CIRSR: variants seen among roughly 807,000 people sequenced by gnomAD.
The protein encoded by CIRSR is CBF1 (RBPJ) interacting corepressor 1.
At chr2:174,372,366 A>G in the CIRSR span, among the ~76,000 whole-genome samples, 2 of 152,180 alleles carry the variant, frequency 1.3e-5, no homozygotes, top group Non-Finnish European at 2.9e-5. Flanking sequence ...ATCTCCTTCC[A>G]ATCCTTTTTC....
the CIRSR span, among the ~76,000 whole-genome samples, chr2:174,369,179 G>A: frequency 1.8e-4 from 28 of 152,210 alleles, no homozygotes; most frequent in Admixed American, 3.9e-4. Flanking sequence ...TGGAGAACTT[G>A]CTGCAGCTTC....
the CIRSR span, among the ~76,000 whole-genome samples, chr2:174,390,998 GACTAAT>G: frequency 6.6e-6 from 1 of 152,190 alleles, no homozygotes; most frequent in Non-Finnish European, 1.5e-5. Flanking sequence ...CATGAGAACA[GACTAAT>G]ACTAATACAA....
At chr2:174,360,046 A>C in the CIRSR span, among the ~76,000 whole-genome samples, 1 of 152,054 alleles carries the variant, frequency 6.6e-6, no homozygotes, top group Non-Finnish European at 1.5e-5. Flanking sequence ...GACATCACAC[A>C]CTGGGGCCTG....
At chr2:174,363,809 A>G in the CIRSR span, among the ~76,000 whole-genome samples, 15 of 152,332 alleles carry the variant, frequency 9.8e-5, no homozygotes, top group South Asian at 2.7e-3. Context: ...ACTTGATCCC[A>G]TGATTCAATT....
chr2:174,357,922 T>G, the CIRSR span, among the ~76,000 whole-genome samples: 1 of 152,208 alleles, frequency 6.6e-6, no homozygotes, highest in Non-Finnish European at 1.5e-5. Flanking sequence ...CTAAAGGTTA[T>G]GCAAGAACCA....
At chr2:174,387,754 G>A in the CIRSR span, 1 of 1,596,008 alleles carries the variant, frequency 6.3e-7, no homozygotes, top group Non-Finnish European at 8.5e-7. Flanking sequence ...CTTATCATAT[G>A]ATATTTTCTG....
At chr2:174,367,742 T>C in the CIRSR span, among the ~76,000 whole-genome samples, 20 of 100,436 alleles carry the variant, frequency 2.0e-4, no homozygotes, top group Middle Eastern at 7.6e-3. Flanking sequence ...AGATGCTGTC[T>C]CTTAAAAAAA....
the CIRSR span, among the ~76,000 whole-genome samples, chr2:174,366,807 T>C: frequency 6.6e-6 from 1 of 152,202 alleles, no homozygotes; most frequent in Non-Finnish European, 1.5e-5. Flanking sequence ...GAACAGGAAT[T>C]GGGTTACTCT....
At chr2:174,359,925 C>T in the CIRSR span, among the ~76,000 whole-genome samples, 5 of 152,292 alleles carry the variant, frequency 3.3e-5, no homozygotes. Flanking sequence ...ATGGATGAAG[C>T]TGGAAACCAT....
At chr2:174,352,097 G>A in the CIRSR span, 1 of 160,584 alleles carries the variant, frequency 6.2e-6, no homozygotes, top group South Asian at 1.8e-4. Context: ...TTTAAAAGAT[G>A]TATTTTTAAA....
At chr2:174,386,030 A>T in the CIRSR span, among the ~76,000 whole-genome samples, 1 of 152,214 alleles carries the variant, frequency 6.6e-6, no homozygotes, top group Non-Finnish European at 1.5e-5. Context: ...TTTTTTAAAG[A>T]TAAAGAATAA....
At chr2:174,353,955 C>A in the CIRSR span, among the ~76,000 whole-genome samples, 1 of 152,004 alleles carries the variant, frequency 6.6e-6, no homozygotes, top group Admixed American at 6.6e-5. Context: ...AGAATAAAAA[C>A]CACTCCAATA....
chr2:174,387,529 C>A, the CIRSR span: 1 of 688,610 alleles, frequency 1.5e-6, no homozygotes, highest in Non-Finnish European at 2.2e-6. Flanking sequence ...TGGTCATCTA[C>A]AGGTATGAGA....
the CIRSR span, among the ~76,000 whole-genome samples, chr2:174,354,574 T>TAA: frequency 2.6e-4 from 4 of 15,682 alleles, no homozygotes; most frequent in South Asian, 0.011. Context: ...ATATATTATA[T>TAA]TATATATTAT....
chr2:174,364,165 G>A, the CIRSR span, among the ~76,000 whole-genome samples: 2 of 152,066 alleles, frequency 1.3e-5, no homozygotes, highest in Non-Finnish European at 2.9e-5. Context: ...GTTTTCACAG[G>A]GGCTACAGGC....
the CIRSR span, among the ~76,000 whole-genome samples, chr2:174,382,587 C>A: frequency 6.6e-6 from 1 of 152,024 alleles, no homozygotes; most frequent in Non-Finnish European, 1.5e-5. Context: ...TGCAGTGAGC[C>A]GAGATCGTGC....
the CIRSR span, among the ~76,000 whole-genome samples, chr2:174,394,693 G>C: frequency 6.6e-6 from 1 of 152,150 alleles, no homozygotes; most frequent in Non-Finnish European, 1.5e-5. Flanking sequence ...CACTGGTCTA[G>C]AAGTGAGAGT....
chr2:174,379,155 G>A, the CIRSR span: 2 of 705,296 alleles, frequency 2.8e-6, no homozygotes, highest in Admixed American at 2.6e-5. Flanking sequence ...AGATCTCCAG[G>A]GAAAAAGACT....
At chr2:174,363,429 CTTAAGGCCTAGCCAGAT>C in the CIRSR span, among the ~76,000 whole-genome samples, 4 of 152,206 alleles carry the variant, frequency 2.6e-5, no homozygotes, top group African/African-American at 4.8e-5. Flanking sequence ...TAGACACAGT[CTTAAGGCCTAGCCAGAT>C]AAACATAAAA....
Sources: allele counts gnomAD v4.1 joint callset (sites outside exome capture counted in the v4.1 genomes callset), GRCh38; gene constraint gnomAD v4.1.1; transcripts MANE v1.5; gene names NCBI Gene and HGNC (gene_info 2026-07-23, HGNC 2026-07-21).